Variants in TRPM3 observed in about 807,000 individuals in gnomAD.
TRPM3 encodes long transient receptor potential channel 3.
In TRPM3, 77 loss-of-function variants were observed where a neutral mutation model predicts 181.2. The observed-to-expected ratio is 0.42, with a 90% CI of 0.35 to 0.51. The LOEUF (loss-of-function observed/expected upper bound fraction) is 0.51, where lower values mean the gene tolerates loss of function less well. TRPM3 is among the 20% of genes least tolerant of loss of function. TRPM3 has a pLI of 0.01. For missense variants in TRPM3, 1,759 were observed against 2,196.7 expected, an observed-to-expected ratio of 0.80 and a Z score of 3.98; for synonymous variants, 745 against 796.4, an observed-to-expected ratio of 0.94 and a Z score of 1.09.
chr9:70,984,081 C>T (rs1487154893), intron 1 of TRPM3, among the ~76,000 whole-genome samples: 1 of 152,184 alleles, frequency 6.6e-6, no homozygotes, highest in Non-Finnish European at 1.5e-5. Context: ...AGAATGTGAG[C>T]TCTGGAATCA....
At chr9:70,880,841 G>T (rs1187146351) in intron 1 of TRPM3, among the ~76,000 whole-genome samples, 1 of 152,114 alleles carries the variant, frequency 6.6e-6, no homozygotes, top group African/African-American at 2.4e-5. Context: ...CTCAATTAGT[G>T]CTTCTGTTCT....
intron 1 of TRPM3, among the ~76,000 whole-genome samples, chr9:71,090,299 C>G (rs2065988177): frequency 6.6e-6 from 1 of 152,160 alleles, no homozygotes; most frequent in Non-Finnish European, 1.5e-5. Flanking sequence ...TGGCATGTGC[C>G]AAGGGACAGT....
At chr9:71,174,145 G>T (rs994462508) in intron 1 of TRPM3, among the ~76,000 whole-genome samples, 1 of 152,122 alleles carries the variant, frequency 6.6e-6, no homozygotes, top group African/African-American at 2.4e-5. Flanking sequence ...TTAGGGGGAG[G>T]CATGTCGAAT....
intron 1 of TRPM3, among the ~76,000 whole-genome samples, chr9:71,369,864 C>A (rs147774401): frequency 3.9e-5 from 6 of 152,170 alleles, no homozygotes; most frequent in Non-Finnish European, 8.8e-5. Flanking sequence ...GGCAAACCTG[C>A]GTCAAAGTCC....
intron 1 of TRPM3, among the ~76,000 whole-genome samples, chr9:71,412,641 C>T (rs2093573467): frequency 6.6e-6 from 1 of 152,150 alleles, no homozygotes; most frequent in Non-Finnish European, 1.5e-5. Context: ...CACTTTTACA[C>T]TGTTTGTGGA....
intron 8 of TRPM3, among the ~76,000 whole-genome samples, chr9:70,757,678 T>C (rs2077329443): frequency 6.6e-6 from 1 of 151,998 alleles, no homozygotes; most frequent in Non-Finnish European, 1.5e-5. Context: ...GTTCAACATA[T>C]GCATATCAAT....
At chr9:70,682,230 AAT>A (rs1307250572) in intron 8 of TRPM3, among the ~76,000 whole-genome samples, 6 of 152,150 alleles carry the variant, frequency 3.9e-5, no homozygotes, top group African/African-American at 1.4e-4. Flanking sequence ...CATATTTAAA[AAT>A]ATGTTACCTT....
chr9:71,091,214 G>A (rs1286262619), intron 1 of TRPM3, among the ~76,000 whole-genome samples: 1 of 152,036 alleles, frequency 6.6e-6, no homozygotes, highest in Non-Finnish European at 1.5e-5. Flanking sequence ...ATTAACAGAA[G>A]TTGTATTGAT....
intron 5 of TRPM3, among the ~76,000 whole-genome samples, chr9:70,833,674 T>G (rs560992506): frequency 6.6e-6 from 1 of 152,164 alleles, no homozygotes; most frequent in Non-Finnish European, 1.5e-5. Flanking sequence ...GATTGTAAAT[T>G]TGTAGAGGAT....
intron 1 of TRPM3, among the ~76,000 whole-genome samples, chr9:71,402,206 GA>G (rs757649816): frequency 3.3e-5 from 5 of 152,072 alleles, no homozygotes; most frequent in Non-Finnish European, 4.4e-5. Flanking sequence ...TTTAAATATC[GA>G]GTTCACTTGT....
At chr9:71,258,735 G>A (rs1231955441) in intron 1 of TRPM3, among the ~76,000 whole-genome samples, 1 of 152,092 alleles carries the variant, frequency 6.6e-6, no homozygotes, top group Non-Finnish European at 1.5e-5. Context: ...AACATCCACA[G>A]AATATTTTAC....
chr9:70,595,006 T>G (rs1056432108), intron 21 of TRPM3, among the ~76,000 whole-genome samples: 1 of 152,236 alleles, frequency 6.6e-6, no homozygotes, highest in Non-Finnish European at 1.5e-5. Context: ...GTACTCATTT[T>G]GTACTTATTC....
intron 1 of TRPM3, among the ~76,000 whole-genome samples, chr9:71,259,474 C>T (rs1396444727): frequency 3.9e-5 from 6 of 152,146 alleles, no homozygotes; most frequent in African/African-American, 1.4e-4. Context: ...CACACTGTCT[C>T]CCACAATGGT....
chr9:70,794,791 A>G (rs910971486), intron 6 of TRPM3, among the ~76,000 whole-genome samples: 7 of 152,116 alleles, frequency 4.6e-5, no homozygotes, highest in African/African-American at 1.7e-4. Flanking sequence ...GCTGGACTTT[A>G]CAAAGCTAAC....
At chr9:70,777,606 C>T (rs369698307) in intron 7 of TRPM3, among the ~76,000 whole-genome samples, 11 of 152,100 alleles carry the variant, frequency 7.2e-5, no homozygotes, top group African/African-American at 2.2e-4. Context: ...CAAAAACTGC[C>T]GTGGTATTTT....
At chr9:70,606,407 C>A (rs1019535211) in intron 19 of TRPM3, among the ~76,000 whole-genome samples, 12 of 152,064 alleles carry the variant, frequency 7.9e-5, no homozygotes, top group Non-Finnish European at 1.5e-4. Flanking sequence ...TTAGCCCCTG[C>A]CTGTTTTTTA....
At chr9:70,750,272 G>C (rs2075897855) in intron 8 of TRPM3, among the ~76,000 whole-genome samples, 1 of 152,190 alleles carries the variant, frequency 6.6e-6, no homozygotes, top group Non-Finnish European at 1.5e-5. Context: ...TGGGAGTTTG[G>C]AAAGCCTAAA....
At chr9:70,874,484 T>G (rs767759019) in intron 1 of TRPM3, among the ~76,000 whole-genome samples, 3 of 151,940 alleles carry the variant, frequency 2.0e-5, no homozygotes, top group Non-Finnish European at 4.4e-5. Context: ...CCCTCATATA[T>G]TTGGTGTAGA....
chr9:71,055,061 A>G (rs2060502940), intron 1 of TRPM3, among the ~76,000 whole-genome samples: 1 of 152,092 alleles, frequency 6.6e-6, no homozygotes, highest in African/African-American at 2.4e-5. Context: ...TTCATTGGAA[A>G]CAAGTGAGGA....
Sources: gnomAD v4.1 joint callset for allele counts (sites outside exome capture counted in the v4.1 genomes callset) on GRCh38, gnomAD v4.1.1 for gene constraint, MANE v1.5 for transcripts, NCBI Gene and HGNC (gene_info 2026-07-23, HGNC 2026-07-21) for gene names.